ADGRV1: variants seen among roughly 807,000 people sequenced by gnomAD.
ADGRV1 encodes G-protein coupled receptor 98.
In ADGRV1, 359 loss-of-function variants were observed where a neutral mutation model predicts 596.2. The ratio of observed to expected loss-of-function variants is 0.60; its 90% confidence interval spans 0.55 to 0.66. ADGRV1 has a LOEUF of 0.66. ADGRV1 is among the 30% of genes least tolerant of loss of function. The pLI, the probability that ADGRV1 is intolerant of heterozygous loss-of-function variation, is 0.00. For synonymous variants in ADGRV1, 2,681 were observed against 2,679.2 expected (o/e 1.00, Z -0.02); for missense variants, 7,274 against 7,575.6 (o/e 0.96, Z 1.48).
intron 85 of ADGRV1, 76 bp from the exon 86 acceptor site, chr5:91,072,371 G>C: frequency 2.4e-6 from 3 of 1,263,366 alleles, no homozygotes; most frequent in South Asian, 1.2e-5. Flanking sequence ...GTATAAAGTA[G>C]TGATGTGATA....
At chr5:90,572,917 A>G (rs1756732009) in intron 1 of ADGRV1, among the ~76,000 whole-genome samples, 1 of 152,192 alleles carries the variant, frequency 6.6e-6, no homozygotes, top group Non-Finnish European at 1.5e-5. Context: ...AAGGGTGGAT[A>G]AAACAGACAG....
In ADGRV1 at chr5:90,652,415, T is replaced by C. The variant is rs1561461201; in HGVS notation, c.3486T>C (p.Ala1162=). Residue 1162 remains alanine (A), a synonymous_variant, in exon 19 of 90, where the codon GCT becomes GCC. Coordinates refer to ENST00000405460, the MANE Select transcript of ADGRV1 (RefSeq NM_032119.4). ...VSWQLFQNDS[A]LQPGQEFYET... is the part of the protein sequence containing the mutation. ...GGCAGCTCTTTCAGAATGATTCTGCTTTGCAGCCTGGGCAGGAGTTCTATG... is the reference window on the plus strand; with the variant it reads ...GGCAGCTCTTTCAGAATGATTCTGCCTTGCAGCCTGGGCAGGAGTTCTATG... 3 of 1,612,830 alleles carry C rather than the reference T, an allele frequency of 1.9e-6. No individual in the cohort carries two copies. The highest frequency in any genetic ancestry group is 2.5e-6 in the Non-Finnish European group (3 of 1,179,260).
At chr5:90,928,537 A>T (rs1271991985) in intron 83 of ADGRV1, among the ~76,000 whole-genome samples, 1 of 149,532 alleles carries the variant, frequency 6.7e-6, no homozygotes, top group African/African-American at 2.5e-5. Context: ...ATTCTTCTAA[A>T]TTTTTTTCAA....
chr5:90,628,220 CAAAATAAAAT>C (rs70999498), intron 7 of ADGRV1, among the ~76,000 whole-genome samples: 7 of 129,518 alleles, frequency 5.4e-5, no homozygotes, highest in South Asian at 5.0e-4. Context: ...ACCCCGCCCA[CAAAATAAAAT>C]AAAATAAAAT....
At chr5:90,571,512 T>C (rs904166878) in intron 1 of ADGRV1, among the ~76,000 whole-genome samples, 5 of 152,184 alleles carry the variant, frequency 3.3e-5, no homozygotes, top group African/African-American at 1.2e-4. Context: ...TAGCTTATTG[T>C]TTTCCCAGCT....
chr5:90,859,605 T>A (rs1225764724), intron 82 of ADGRV1, among the ~76,000 whole-genome samples: 2 of 152,016 alleles, frequency 1.3e-5, no homozygotes, highest in African/African-American at 4.8e-5. Flanking sequence ...TAAAAAATTA[T>A]TTTAAAATGT....
At chr5:90,851,620 T>C (rs1274286583) in intron 79 of ADGRV1, among the ~76,000 whole-genome samples, 1 of 152,170 alleles carries the variant, frequency 6.6e-6, no homozygotes, top group Non-Finnish European at 1.5e-5. Context: ...TTGGTCACTG[T>C]GAATTTGCGG....
intron 14 of ADGRV1, 46 bp downstream of exon 14, chr5:90,644,029 G>T: frequency 1.6e-6 from 2 of 1,276,564 alleles, no homozygotes; most frequent in Non-Finnish European, 2.1e-6. Flanking sequence ...TACTGAAGAA[G>T]AAATATAATT....
chr5:90,969,156 A>G (rs1778732177), intron 84 of ADGRV1, among the ~76,000 whole-genome samples: 2 of 152,238 alleles, frequency 1.3e-5, no homozygotes, highest in Admixed American at 1.3e-4. Context: ...TGAAAACTCA[A>G]GTTGTAATAA....
At chr5:91,107,118 T>A (rs1286559612) in intron 87 of ADGRV1, among the ~76,000 whole-genome samples, 3 of 152,124 alleles carry the variant, frequency 2.0e-5, no homozygotes, top group African/African-American at 7.2e-5. Flanking sequence ...TAGGTCTGGG[T>A]GGAATCTGAT....
intron 81 of ADGRV1, among the ~76,000 whole-genome samples, chr5:90,855,104 A>C (rs1766898587): frequency 6.6e-6 from 1 of 152,182 alleles, no homozygotes; most frequent in Non-Finnish European, 1.5e-5. Flanking sequence ...ATTTTAAGGG[A>C]AGAGGCTCAA....
intron 83 of ADGRV1, among the ~76,000 whole-genome samples, chr5:90,921,657 C>T (rs536855488): frequency 2.6e-5 from 4 of 152,232 alleles, no homozygotes; most frequent in African/African-American, 7.2e-5. Context: ...CCCTGGTGTT[C>T]TTTACCCTTC....
chr5:90,692,460 T>C (rs1209663087), intron 31 of ADGRV1, 145 bp from the exon 32 acceptor site: 10 of 614,776 alleles, frequency 1.6e-5, no homozygotes, highest in Non-Finnish European at 2.8e-5. Flanking sequence ...GTAAGTGTAA[T>C]TGGGGAGTTC....
chr5:91,148,603 TAAAG>T (rs1795755615), intron 87 of ADGRV1, among the ~76,000 whole-genome samples: 1 of 152,178 alleles, frequency 6.6e-6, no homozygotes, highest in East Asian at 1.9e-4. Flanking sequence ...GGAGCCCTCA[TAAAG>T]AACCTCTGGT....
At chr5:90,684,282 T>A in intron 28 of ADGRV1, 87 bp downstream of exon 28, 1 of 1,234,012 alleles carries the variant, frequency 8.1e-7, no homozygotes, top group Non-Finnish European at 1.1e-6. Flanking sequence ...TAGAAAATTC[T>A]ATAAAAAGTA....
Position 90,627,499 on chromosome 5 carries a change from G to C in ADGRV1, c.961G>C (p.Asp321His), listed in dbSNP as rs779442763. 1 of 1,613,896 alleles carries C rather than the reference G, an allele frequency of 6.2e-7. No homozygotes were observed. The highest frequency in any genetic ancestry group is 1.7e-5 in the Admixed American group (1 of 60,012). The change falls in exon 7 of 90, where the codon GAC becomes CAC. Residue 321 changes from aspartate (D) to histidine (H), a missense_variant. Transcript: ENST00000405460. The stretch of plus-strand genomic sequence containing the variant: ...CACAGCACATGCCCAGCAAAATCTG[G>C]ACTTCATTGATCTTCAGCCAAACAC... ...NSTAHAQQNL[D>H]FIDLQPNTTV...
intron 89 of ADGRV1, among the ~76,000 whole-genome samples, chr5:91,161,166 C>G (rs936180556): frequency 2.6e-5 from 4 of 152,212 alleles, no homozygotes; most frequent in African/African-American, 9.6e-5. Context: ...ATATTTAGCT[C>G]TTCCTTGCTA....
rs760300993 is a variant in ADGRV1, at chr5:90,853,495, T to C, written c.17416T>C (p.Phe5806Leu). The change falls in exon 80 of 90, where the codon TTT (phenylalanine) becomes CTT (leucine). Residue 5806 changes from phenylalanine to leucine, a missense_variant. Transcript: ENST00000405460. Reference protein sequence around the residue: ...QFTEYSSQQWFISGNNLPTLK... With the variant: ...QFTEYSSQQWLISGNNLPTLK... ...TACAGAGTATAGCAGCCAACAGTGGTTTATAAGTGGAAACAATCTTCCTAC... is the reference window on the plus strand; with the variant it reads ...TACAGAGTATAGCAGCCAACAGTGGCTTATAAGTGGAAACAATCTTCCTAC... The C allele has an allele frequency of 6.2e-7, 1 of 1,612,356 alleles. No individual in the cohort carries two copies. Among genetic ancestry groups the C allele is most frequent in the African/African-American group, 1.3e-5 (1 of 74,866 alleles).
At chr5:91,093,748 TA>T (rs1423054699) in intron 86 of ADGRV1, among the ~76,000 whole-genome samples, 6 of 152,180 alleles carry the variant, frequency 3.9e-5, no homozygotes, top group Admixed American at 3.9e-4. Context: ...GGGAGGCAGT[TA>T]AAGGGTTTTT....
Sources: gnomAD v4.1 joint callset for allele counts (sites outside exome capture counted in the v4.1 genomes callset) on GRCh38, gnomAD v4.1.1 for gene constraint, MANE v1.5 for transcripts, NCBI Gene and HGNC (gene_info 2026-07-23, HGNC 2026-07-21) for gene names.